NKAIN2: variants seen among roughly 807,000 people sequenced by gnomAD.
The protein encoded by NKAIN2 is sodium/potassium-transporting ATPase subunit beta-1-interacting protein 2.
NKAIN2 carries 14 observed loss-of-function variants against 32.6 expected under a neutral mutation model. The observed-to-expected ratio is 0.43, with a 90% confidence interval of 0.28 to 0.67. NKAIN2 has a LOEUF of 0.67. Ranked by LOEUF, NKAIN2 falls within the 30% of genes least tolerant of loss-of-function variation. The pLI, the probability that NKAIN2 is intolerant of heterozygous loss-of-function variation, is 0.17. For missense variants in NKAIN2, 198 were observed against 258.3 expected (o/e 0.77, Z 1.60); for synonymous variants, 80 against 87.2 (o/e 0.92, Z 0.46).
chr6:124,484,258 G>C (rs1398927228), intron 3 of NKAIN2, among the ~76,000 whole-genome samples: 1 of 152,198 alleles, frequency 6.6e-6, no homozygotes, highest in Non-Finnish European at 1.5e-5. Flanking sequence ...TGAAGCCACT[G>C]TTTAGAATCC....
chr6:123,990,256 A>G (rs1040859347), intron 1 of NKAIN2, among the ~76,000 whole-genome samples: 20 of 152,162 alleles, frequency 1.3e-4, no homozygotes, highest in African/African-American at 4.8e-4. Context: ...ACAATTCAAG[A>G]TGAGATTTTG....
At chr6:124,262,901 C>T (rs560216358) in intron 1 of NKAIN2, among the ~76,000 whole-genome samples, 1 of 152,152 alleles carries the variant, frequency 6.6e-6, no homozygotes, top group Non-Finnish European at 1.5e-5. Flanking sequence ...TGACCTTGAG[C>T]AACTTAGTTA....
intron 3 of NKAIN2, among the ~76,000 whole-genome samples, chr6:124,655,551 G>A (rs1460659980): frequency 1.3e-5 from 2 of 152,018 alleles, no homozygotes; most frequent in South Asian, 2.1e-4. Context: ...AACTGTCCTG[G>A]TGTGCTTGGG....
At chr6:124,697,023 G>A (rs562975569) in intron 4 of NKAIN2, among the ~76,000 whole-genome samples, 22 of 152,070 alleles carry the variant, frequency 1.4e-4, no homozygotes, top group African/African-American at 4.1e-4. Flanking sequence ...AGTTATTTGC[G>A]CATAGCTTTT....
chr6:124,139,991 G>C (rs1787055085), intron 1 of NKAIN2, among the ~76,000 whole-genome samples: 2 of 152,072 alleles, frequency 1.3e-5, no homozygotes, highest in South Asian at 4.1e-4. Context: ...TTCTTCACTG[G>C]AAACCTGAAT....
chr6:124,784,840 T>C (rs1410574857), intron 4 of NKAIN2, among the ~76,000 whole-genome samples: 2 of 152,114 alleles, frequency 1.3e-5, no homozygotes, highest in African/African-American at 4.8e-5. Context: ...TGTCCATAAA[T>C]GTTTCCCTGT....
At chr6:124,589,540 GA>G in intron 3 of NKAIN2, among the ~76,000 whole-genome samples, 2 of 151,818 alleles carry the variant, frequency 1.3e-5, no homozygotes, top group Middle Eastern at 3.4e-3. Context: ...GACTTCCAGG[GA>G]AAAAAATAAA....
intron 3 of NKAIN2, among the ~76,000 whole-genome samples, chr6:124,575,191 TC>T (rs1439572178): frequency 6.6e-6 from 1 of 152,222 alleles, no homozygotes; most frequent in Non-Finnish European, 1.5e-5. Flanking sequence ...CCTTAATTTA[TC>T]CTGTCCTGCA....
chr6:124,194,620 A>AT (rs1174722088), intron 1 of NKAIN2, among the ~76,000 whole-genome samples: 3 of 151,612 alleles, frequency 2.0e-5, no homozygotes, highest in Non-Finnish European at 2.9e-5. Flanking sequence ...TTATTTTATG[A>AT]TTTTTTTATA....
In NKAIN2 at chr6:124,357,836, T is replaced by A. The variant is rs1175548539; in HGVS notation, c.273+2489T>A. On this transcript the variant is annotated intron_variant, in intron 3 of 6. Transcript: ENST00000368417. ...ACATGTGCACAACGTGCAGGTTTGTTACATATGTATACATGTGCCATGTTG... is the reference window on the plus strand; with the variant it reads ...ACATGTGCACAACGTGCAGGTTTGTAACATATGTATACATGTGCCATGTTG... Among the ~76,000 whole-genome samples, 3 of 151,880 alleles carry A rather than the reference T, an allele frequency of 2.0e-5. No individual in the cohort carries two copies. In the East Asian group the frequency reaches 5.8e-4, roughly 29 times the overall value.
intron 2 of NKAIN2, among the ~76,000 whole-genome samples, chr6:124,298,270 C>A (rs1489826982): frequency 6.6e-6 from 1 of 152,036 alleles, no homozygotes; most frequent in African/African-American, 2.4e-5. Flanking sequence ...TCTCACAAAT[C>A]TCTATAACCA....
intron 1 of NKAIN2, among the ~76,000 whole-genome samples, chr6:123,805,157 G>A (rs893002915): frequency 1.3e-5 from 2 of 152,210 alleles, no homozygotes; most frequent in African/African-American, 4.8e-5. Context: ...TGGTTAATTT[G>A]AGGTAGGAGC....
chr6:124,080,537 A>G (rs985706590), intron 1 of NKAIN2, among the ~76,000 whole-genome samples: 1 of 152,120 alleles, frequency 6.6e-6, no homozygotes, highest in African/African-American at 2.4e-5. Flanking sequence ...TAATATACAT[A>G]TAGACTGTTG....
chr6:124,807,749 A>T (rs1396143090), intron 5 of NKAIN2, among the ~76,000 whole-genome samples: 1 of 151,842 alleles, frequency 6.6e-6, no homozygotes, highest in African/African-American at 2.4e-5. Context: ...CTAGCAATAA[A>T]GAAAAAAAGA....
intron 1 of NKAIN2, among the ~76,000 whole-genome samples, chr6:123,942,115 T>A (rs1304616199): frequency 6.6e-6 from 1 of 152,028 alleles, no homozygotes; most frequent in Non-Finnish European, 1.5e-5. Context: ...TGATGAGTCC[T>A]AAGAACAGTT....
At chr6:123,820,122 AT>A (rs1418910081) in intron 1 of NKAIN2, among the ~76,000 whole-genome samples, 1 of 152,194 alleles carries the variant, frequency 6.6e-6, no homozygotes, top group Non-Finnish European at 1.5e-5. Context: ...TGCATTCAAA[AT>A]AAAAATCTTT....
chr6:124,687,706 T>A, intron 4 of NKAIN2, among the ~76,000 whole-genome samples: 1 of 31,520 alleles, frequency 3.2e-5, no homozygotes, highest in East Asian at 1.0e-3. Context: ...AGTGAATATA[T>A]GAATATAATA....
intron 3 of NKAIN2, among the ~76,000 whole-genome samples, chr6:124,518,866 C>T (rs753378656): frequency 1.3e-5 from 2 of 152,116 alleles, no homozygotes; most frequent in African/African-American, 2.4e-5. Context: ...TTGACTTAAT[C>T]GATGTAATGA....
At chr6:123,972,982 T>C (rs1778410033) in intron 1 of NKAIN2, among the ~76,000 whole-genome samples, 1 of 152,102 alleles carries the variant, frequency 6.6e-6, no homozygotes, top group African/African-American at 2.4e-5. Flanking sequence ...CTATCAAAAT[T>C]AAAGAGTAGT....
Sources: gnomAD v4.1 joint callset for allele counts (sites outside exome capture counted in the v4.1 genomes callset) on GRCh38, gnomAD v4.1.1 for gene constraint, MANE v1.5 for transcripts, NCBI Gene and HGNC (gene_info 2026-07-23, HGNC 2026-07-21) for gene names.